The following CSMD1 variants were observed in gnomAD, a reference collection of about 807,000 sequenced individuals.
CSMD1 encodes the protein CUB and sushi domain-containing protein 1.
In CSMD1, 213 loss-of-function variants were observed where a neutral mutation model predicts 417.5. The ratio of observed to expected loss-of-function variants is 0.51; its 90% CI spans 0.46 to 0.57. The LOEUF (loss-of-function observed/expected upper bound fraction) is 0.57. Ranked by LOEUF, CSMD1 falls within the 20% of genes least tolerant of loss-of-function variation. CSMD1 has a pLI of 0.00. For synonymous variants in CSMD1, 2,862 were observed against 1,736.8 expected (o/e 1.65, Z -16.11); for missense variants, 6,923 against 4,529.7 (o/e 1.53, Z -15.17).
intron 26 of CSMD1, among the ~76,000 whole-genome samples, chr8:3,234,229 A>T (rs1799019947): frequency 6.6e-6 from 1 of 152,088 alleles, no homozygotes; most frequent in Non-Finnish European, 1.5e-5. Context: ...ATCAACCGGG[A>T]TTCCTTATTT....
intron 41 of CSMD1, among the ~76,000 whole-genome samples, chr8:3,130,265 G>A (rs1449365087): frequency 6.6e-6 from 1 of 152,068 alleles, no homozygotes; most frequent in Non-Finnish European, 1.5e-5. Flanking sequence ...GCAAGGGAGG[G>A]GACAGTTGAG....
chr8:3,120,606 T>C (rs911757953), intron 41 of CSMD1, among the ~76,000 whole-genome samples: 7 of 151,992 alleles, frequency 4.6e-5, no homozygotes, highest in Admixed American at 2.0e-4. Context: ...CCCAGCATTT[T>C]GGGAGGCCGA....
chr8:3,045,789 C>T (rs577313491), intron 50 of CSMD1, among the ~76,000 whole-genome samples: 9 of 152,276 alleles, frequency 5.9e-5, no homozygotes, highest in Non-Finnish European at 1.2e-4. Context: ...TATCCATGAC[C>T]TTCACCAAAT....
At chr8:3,279,752 T>A (rs6558747) in intron 26 of CSMD1, among the ~76,000 whole-genome samples, 3 of 151,766 alleles carry the variant, frequency 2.0e-5, no homozygotes, top group Non-Finnish European at 2.9e-5. Context: ...GCACCTTCTT[T>A]AGAGGGTGTT....
intron 1 of CSMD1, among the ~76,000 whole-genome samples, chr8:4,893,295 C>G (rs1804250370): frequency 6.6e-6 from 1 of 152,020 alleles, no homozygotes; most frequent in African/African-American, 2.4e-5. Context: ...ACTAGAAGCT[C>G]CTTATATATT....
intron 1 of CSMD1, among the ~76,000 whole-genome samples, chr8:4,709,949 G>C (rs1161182532): frequency 1.3e-5 from 2 of 152,136 alleles, no homozygotes; most frequent in African/African-American, 4.8e-5. Flanking sequence ...ACAGGGTCTT[G>C]GAAGAAAATA....
intron 5 of CSMD1, among the ~76,000 whole-genome samples, chr8:3,918,639 A>C (rs1232602211): frequency 6.6e-6 from 1 of 152,128 alleles, no homozygotes. Flanking sequence ...TTCCCATCAA[A>C]AACGAGTGGA....
intron 12 of CSMD1, among the ~76,000 whole-genome samples, chr8:3,441,540 G>C (rs1423624540): frequency 6.9e-6 from 1 of 145,814 alleles, no homozygotes. Flanking sequence ...CCTGTACCAC[G>C]TAAGGACATT....
intron 23 of CSMD1, among the ~76,000 whole-genome samples, chr8:3,318,909 C>T (rs1030469455): frequency 3.7e-4 from 56 of 152,244 alleles, no homozygotes; most frequent in African/African-American, 1.2e-3. Flanking sequence ...TGCTTGATGG[C>T]AGGTGCTGCT....
chr8:3,285,381 G>C (rs1012750463), intron 25 of CSMD1, among the ~76,000 whole-genome samples: 2 of 141,552 alleles, frequency 1.4e-5, no homozygotes, highest in African/African-American at 5.2e-5. Context: ...CCCTATTTTT[G>C]TCAGAACTTT....
At chr8:3,703,981 G>C (rs879493770) in intron 7 of CSMD1, among the ~76,000 whole-genome samples, 1 of 152,150 alleles carries the variant, frequency 6.6e-6, no homozygotes. Context: ...TGAGACAGGA[G>C]AATCACATGA....
intron 18 of CSMD1, among the ~76,000 whole-genome samples, chr8:3,384,858 A>G (rs1465645613): frequency 4.1e-5 from 5 of 123,442 alleles, no homozygotes; most frequent in Admixed American, 1.9e-4. Flanking sequence ...TATGCTATTT[A>G]TATGTAAATA....
intron 12 of CSMD1, among the ~76,000 whole-genome samples, chr8:3,411,960 A>ATGTATACGTG (rs1812788008): frequency 4.1e-5 from 2 of 48,928 alleles, no homozygotes; most frequent in African/African-American, 7.4e-5. Flanking sequence ...ATATACACGT[A>ATGTATACGTG]TATATGCACG....
chr8:4,103,586 G>A lies in CSMD1; in HGVS notation c.416-71487C>T, dbSNP rs367608642. Among the ~76,000 whole-genome samples, 7 of 151,928 alleles carry A rather than the reference G, an allele frequency of 4.6e-5. No homozygotes were observed. The East Asian group carries it at 1.4e-3, about 29-fold the overall frequency. On this transcript the variant is annotated intron_variant, in intron 3 of 69. Coordinates refer to ENST00000635120, the MANE Select transcript of CSMD1 (RefSeq NM_033225.6). ...TGATACGATGGATACAAAAAATGTT[G>A]GACTCATTCAGATATTTTCATGTAA...
intron 5 of CSMD1, among the ~76,000 whole-genome samples, chr8:3,921,154 C>A (rs930230297): frequency 6.6e-6 from 1 of 152,014 alleles, no homozygotes; most frequent in Non-Finnish European, 1.5e-5. Context: ...TTGTATTGAC[C>A]CTTTGAGATT....
chr8:3,501,952 A>G (rs1281016389), intron 10 of CSMD1, among the ~76,000 whole-genome samples: 1 of 152,238 alleles, frequency 6.6e-6, no homozygotes, highest in Non-Finnish European at 1.5e-5. Context: ...AAAAGAACAC[A>G]TACAACAATC....
chr8:4,178,511 A>T (rs1280982741), intron 3 of CSMD1, among the ~76,000 whole-genome samples: 2 of 151,150 alleles, frequency 1.3e-5, no homozygotes, highest in African/African-American at 2.4e-5. Flanking sequence ...TTCCCTTTGA[A>T]AACTGGCACA....
At chr8:4,306,713 T>C (rs1244663377) in intron 3 of CSMD1, among the ~76,000 whole-genome samples, 1 of 152,114 alleles carries the variant, frequency 6.6e-6, no homozygotes, top group Admixed American at 6.6e-5. Flanking sequence ...CCTCATATAG[T>C]GAGCAGCACC....
chr8:4,850,543 C>T (rs1801407964), intron 1 of CSMD1, among the ~76,000 whole-genome samples: 1 of 151,958 alleles, frequency 6.6e-6, no homozygotes, highest in South Asian at 2.1e-4. Context: ...TGCACCACTC[C>T]TCCCCCAGCA....
Sources: allele counts gnomAD v4.1 joint callset (sites outside exome capture counted in the v4.1 genomes callset), GRCh38; gene constraint gnomAD v4.1.1; transcripts MANE v1.5; gene names NCBI Gene and HGNC (gene_info 2026-07-23, HGNC 2026-07-21).